The following COL18A1 variants were observed in gnomAD, a reference collection of about 807,000 sequenced individuals.
COL18A1 encodes the protein collagen alpha-1(XVIII) chain.
COL18A1 carries 133 observed loss-of-function variants against 168.0 expected under a neutral mutation model. That is an observed-to-expected ratio of 0.79 (90% confidence interval 0.69 to 0.91). The LOEUF (loss-of-function observed/expected upper bound fraction) is 0.91, where lower values mean the gene tolerates loss of function less well. Ranked by LOEUF, COL18A1 falls within the 40% of genes least tolerant of loss-of-function variation. The pLI, the probability that COL18A1 is intolerant of heterozygous loss-of-function variation, is 0.00. For synonymous variants in COL18A1, 949 were observed against 809.0 expected (o/e 1.17, Z -2.94); for missense variants, 2,126 against 1,925.4 (o/e 1.10, Z -1.95).
intron 38 of COL18A1, among the ~76,000 whole-genome samples, chr21:45,508,113 G>C (rs56388421): frequency 1.3e-5 from 2 of 149,680 alleles, no homozygotes; most frequent in Non-Finnish European, 1.5e-5. Flanking sequence ...GTGGTCAGGC[G>C]GGTGAGTGGA....
rs2035442383 is a variant in COL18A1 at position 45,471,884 on chromosome 21, T to C, written c.652-2011T>C. On this transcript the variant is annotated intron_variant, in intron 3 of 41. Coordinates refer to ENST00000651438, the MANE Select transcript of COL18A1 (RefSeq NM_001379500.1). This position sits in a 1 kb window ranked among gnomAD's most constrained non-coding sequence, Gnocchi z 4.4. ...GGATTTCATAACTTTCAGTCCGAAGTCCCTTAAATATTTACAATGGGCCTG... is the reference window on the plus strand; with the variant it reads ...GGATTTCATAACTTTCAGTCCGAAGCCCCTTAAATATTTACAATGGGCCTG... 6.6e-6 allele frequency among the ~76,000 whole-genome samples: 1 copy of C among 152,152 alleles called. No homozygotes were observed. Among genetic ancestry groups the C allele is most frequent in the Non-Finnish European group, 1.5e-5 (1 of 68,028 alleles).
intron 2 of COL18A1, among the ~76,000 whole-genome samples, chr21:45,440,756 T>G (rs1187228246): frequency 1.3e-5 from 2 of 152,202 alleles, no homozygotes; most frequent in African/African-American, 2.4e-5. Context: ...ACACCCTGGC[T>G]GCACGTGGGG....
At chr21:45,452,780 G>C (rs117115159) in intron 2 of COL18A1, among the ~76,000 whole-genome samples, 1 of 150,384 alleles carries the variant, frequency 6.6e-6, no homozygotes, top group Non-Finnish European at 1.5e-5. Context: ...ATTCACTGAC[G>C]TGTGAGCATG....
chr21:45,494,616 G>A (rs778564041), intron 27 of COL18A1, 45 bp downstream of exon 27: 33 of 1,612,006 alleles, frequency 2.0e-5, no homozygotes, highest in South Asian at 1.6e-4. Context: ...CGGGCATGAC[G>A]GCCCCCAAGG....
intron 32 of COL18A1, among the ~76,000 whole-genome samples, chr21:45,501,151 CAT>C (rs1218245911): frequency 1.3e-5 from 2 of 151,670 alleles, no homozygotes; most frequent in Non-Finnish European, 2.9e-5. Flanking sequence ...GAGTAAGAAA[CAT>C]GGTCAAAAAT....
chr21:45,428,447 C>T (rs918299558), intron 2 of COL18A1, among the ~76,000 whole-genome samples: 2 of 152,190 alleles, frequency 1.3e-5, no homozygotes, highest in Non-Finnish European at 1.5e-5. Flanking sequence ...GGACTGGAAA[C>T]GATTGGATTC....
chr21:45,439,921 C>G (rs904432099), intron 2 of COL18A1, among the ~76,000 whole-genome samples: 2 of 152,186 alleles, frequency 1.3e-5, no homozygotes, highest in Non-Finnish European at 2.9e-5. Flanking sequence ...GAGTGTTTGT[C>G]TGATGACTTC....
chr21:45,511,262 C>T, intron 41 of COL18A1, 36 bp downstream of exon 41: 2 of 1,227,852 alleles, frequency 1.6e-6, no homozygotes, highest in African/African-American at 1.5e-5. Flanking sequence ...GCTCTGAGAG[C>T]CCCAGCCAGG....
In COL18A1 at chr21:45,425,866, A is replaced by G. The variant is rs1281289501; in HGVS notation, c.106+20393A>G. On this transcript the variant is annotated intron_variant, in intron 2 of 41. Coordinates refer to ENST00000651438, the MANE Select transcript of COL18A1 (RefSeq NM_001379500.1). The surrounding 1 kb of genome is among the most constrained non-coding windows in gnomAD (Gnocchi z 4.1). ...TTAGAACAGCACATCTGTGCGTGCAAACTTCATTCTGACTTCGGCCGGCTG... is the reference window on the plus strand; with the variant it reads ...TTAGAACAGCACATCTGTGCGTGCAGACTTCATTCTGACTTCGGCCGGCTG... 6.6e-6 allele frequency among the ~76,000 whole-genome samples: 1 copy of G among 152,114 alleles called. No homozygotes were observed. Among genetic ancestry groups the G allele is most frequent in the Non-Finnish European group, 1.5e-5 (1 of 68,012 alleles).
chr21:45,405,492 G>C lies in COL18A1; in HGVS notation c.106+19G>C. ...GAGCCAGGTAAGACCCGGGCGGGAC[G>C]GGAAGGTTCGCGCCGGTGCCCGCCG... On this transcript the variant is annotated intron_variant, in intron 2 of 41. Transcript: ENST00000651438. 1 of 1,336,852 alleles carries C rather than the reference G, an allele frequency of 7.5e-7. No homozygotes were observed. Among genetic ancestry groups the C allele is most frequent in the Non-Finnish European group, 9.7e-7 (1 of 1,033,562 alleles). 82.8% of individuals were successfully genotyped at this position (1,336,852 alleles called of 1,614,324 possible).
At chr21:45,503,354 C>T (rs2036968844) in intron 32 of COL18A1, among the ~76,000 whole-genome samples, 1 of 151,910 alleles carries the variant, frequency 6.6e-6, no homozygotes, top group African/African-American at 2.4e-5. Context: ...TGTTTTTTGG[C>T]TGCATAAATG....
chr21:45,438,287 C>T (rs201270056), intron 2 of COL18A1, among the ~76,000 whole-genome samples: 29 of 117,352 alleles, frequency 2.5e-4, no homozygotes, highest in Non-Finnish European at 4.2e-4. Context: ...CAGGCACTCT[C>T]CTGCACACAC....
At chr21:45,437,971 C>T (rs2034229412) in intron 2 of COL18A1, among the ~76,000 whole-genome samples, 1 of 84,920 alleles carries the variant, frequency 1.2e-5, no homozygotes, top group Non-Finnish European at 2.2e-5. Context: ...CCTGCACACA[C>T]ACACTCACAC....
chr21:45,422,437 G>A (rs1371294559), intron 2 of COL18A1: 2 of 530,958 alleles, frequency 3.8e-6, no homozygotes, highest in African/African-American at 3.9e-5. Context: ...TTGAAGGGAT[G>A]GGAGGCTCCA....
In COL18A1 at chr21:45,505,160, C is replaced by G; in HGVS notation, c.2895C>G (p.Gly965=). Residue 965 remains glycine (G), a synonymous_variant, in exon 35 of 42, where the codon GGC becomes GGG. Coordinates refer to ENST00000651438, the MANE Select transcript of COL18A1 (RefSeq NM_001379500.1). The stretch of plus-strand genomic sequence containing the variant: ...GTCCCAAGGGAGAGAGCATCCGGGG[C>G]CAGCCCGGCCCACCTGGACCTCAGG... ...IPGPKGESIR[G]QPGPPGPQGP... The G allele has an allele frequency of 6.2e-7, 1 of 1,607,962 alleles. No individual in the cohort carries two copies. The highest frequency in any genetic ancestry group is 8.5e-7 in the Non-Finnish European group (1 of 1,178,140).
At chr21:45,510,310 C>T (rs976842572) in intron 40 of COL18A1, 49 bp downstream of exon 40, 1 of 1,546,486 alleles carries the variant, frequency 6.5e-7, no homozygotes. Context: ...CCCCACTTGA[C>T]CTCTGGGGTG....
Position 45,486,816 on chromosome 21 carries a change from C to T in COL18A1, c.1702-45C>T, listed in dbSNP as rs914534594. ...GTCTACGCTGGGGTTGCAGGGCCAG[C>T]GGGGGCTGGGCTGGGTCCTGACACG... On this transcript the variant is annotated intron_variant, in intron 15 of 41. Transcript: ENST00000651438. The T allele has an allele frequency of 3.2e-5, 48 of 1,523,496 alleles. No individual in the cohort carries two copies. The Middle Eastern group carries it at 5.5e-4, about 17-fold the overall frequency. The allele number at this position is 1,523,496 out of a possible 1,614,324, so 94.4% of individuals were successfully genotyped here. A position where few individuals can be genotyped will look rare whatever the true frequency, so the allele number is the denominator to read the frequency against.
At chr21:45,407,611 C>G (rs1298181725) in intron 2 of COL18A1, 1 of 152,284 alleles carries the variant, frequency 6.6e-6, no homozygotes, top group Non-Finnish European at 1.5e-5. Flanking sequence ...GCTTCAGAGT[C>G]AGAGTGGAGC....
At chr21:45,434,617 T>C (rs1216387920) in intron 2 of COL18A1, among the ~76,000 whole-genome samples, 1 of 151,720 alleles carries the variant, frequency 6.6e-6, no homozygotes, top group Non-Finnish European at 1.5e-5. Flanking sequence ...ACCCAGTGCA[T>C]CTTCTCCTCA....
Sources: allele counts gnomAD v4.1 joint callset (sites outside exome capture counted in the v4.1 genomes callset), GRCh38; gene constraint gnomAD v4.1.1; non-coding constraint Gnocchi (gnomAD v3.1); transcripts MANE v1.5; gene names NCBI Gene and HGNC (gene_info 2026-07-23, HGNC 2026-07-21).